The following SNUPN variants were observed in gnomAD, a reference collection of about 807,000 sequenced individuals.
The protein encoded by SNUPN is snurportin-1.
SNUPN carries 31 observed loss-of-function variants against 39.2 expected under a neutral mutation model. The observed-to-expected ratio is 0.79, with a 90% CI of 0.59 to 1.07. SNUPN has a LOEUF of 1.07. SNUPN is among the 50% of genes least tolerant of loss of function. SNUPN has a pLI of 0.00. For missense variants in SNUPN, 382 were observed against 434.2 expected (o/e 0.88, Z 1.07); for synonymous variants, 132 against 159.0 (o/e 0.83, Z 1.28).
chr15:75,624,714 C>G, intron 1 of SNUPN: 12 of 1,262,152 alleles, frequency 9.5e-6, no homozygotes, highest in Non-Finnish European at 1.2e-5. Flanking sequence ...GGTTCCTTTA[C>G]CTTCCTTCAA....
intron 3 of SNUPN, among the ~76,000 whole-genome samples, chr15:75,616,861 T>C (rs1892951642): frequency 6.6e-6 from 1 of 152,198 alleles, no homozygotes; most frequent in African/African-American, 2.4e-5. Flanking sequence ...GGCCTGAACC[T>C]CACCTTGGCC....
chr15:75,604,157 CTTTTT>C (rs34924144), intron 7 of SNUPN, among the ~76,000 whole-genome samples: 3 of 114,942 alleles, frequency 2.6e-5, no homozygotes, highest in East Asian at 2.5e-4. Flanking sequence ...TTCCCTTTAA[CTTTTT>C]TTTTTTTTTT....
At chr15:75,618,654 C>T (rs1175740777) in intron 2 of SNUPN, among the ~76,000 whole-genome samples, 3 of 152,166 alleles carry the variant, frequency 2.0e-5, no homozygotes, top group Admixed American at 2.0e-4. Flanking sequence ...GAAACCAACA[C>T]AGCTGGTTTC....
chr15:75,614,049 G>A (rs1458458865), intron 3 of SNUPN, among the ~76,000 whole-genome samples: 1 of 152,126 alleles, frequency 6.6e-6, no homozygotes, highest in Non-Finnish European at 1.5e-5. Context: ...CAGCACATTG[G>A]GAGGCCAAGG....
chr15:75,607,272 T>A lies in SNUPN; in HGVS notation c.544A>T (p.Thr182Ser), dbSNP rs781108517. The change falls in exon 6 of 9, where the codon ACC becomes TCC. Residue 182 changes from threonine (T) to serine (S), a missense_variant. By Grantham distance (58) the Thr-to-Ser change is moderately conservative (BLOSUM62 1). Coordinates refer to ENST00000308588, the MANE Select transcript of SNUPN (RefSeq NM_005701.4). ...CACATCACATCCAGAACGTAGTAGGTCTGGTTTACCTCATTGTAAATGCAA... is the reference window on the plus strand; with the variant it reads ...CACATCACATCCAGAACGTAGTAGGACTGGTTTACCTCATTGTAAATGCAA... ...LDCIYNEVNQ[T>S]YYVLDVMCWR... The A allele has an allele frequency of 5.6e-6, 9 of 1,613,666 alleles. No homozygotes were observed. Among genetic ancestry groups the A allele is most frequent in the Middle Eastern group, 1.6e-4 (1 of 6,078 alleles).
In SNUPN at chr15:75,621,793, T is replaced by C. The variant is rs553576795; in HGVS notation, c.-5-737A>G. On this transcript the variant is annotated intron_variant, in intron 1 of 8. Coordinates refer to ENST00000308588, the MANE Select transcript of SNUPN (RefSeq NM_005701.4). ...TGGCTCATGCCTGTAATCCCAGCAC[T>C]TTGGGAGGCCGAGGTGGGTGGATCA... 2.1e-4 allele frequency among the ~76,000 whole-genome samples: 32 copies of C among 152,126 alleles called. No individual in the cohort carries two copies. In the South Asian group the frequency reaches 6.4e-3, roughly 31 times the overall value.
intron 1 of SNUPN, among the ~76,000 whole-genome samples, chr15:75,624,235 T>G (rs1266904504): frequency 6.7e-6 from 1 of 148,852 alleles, no homozygotes; most frequent in African/African-American, 2.5e-5. Flanking sequence ...CCGATAAAAA[T>G]TTTTAAAAAG....
At chr15:75,603,505 C>A (rs1382069871) in intron 7 of SNUPN, among the ~76,000 whole-genome samples, 2 of 150,268 alleles carry the variant, frequency 1.3e-5, no homozygotes, top group Non-Finnish European at 3.0e-5. Context: ...ACTAAAAATA[C>A]AAAAAATTAG....
At chr15:75,606,156 AG>A (rs2075329658) in intron 6 of SNUPN, among the ~76,000 whole-genome samples, 1 of 152,246 alleles carries the variant, frequency 6.6e-6, no homozygotes, top group Non-Finnish European at 1.5e-5. Flanking sequence ...AAGAAAAAAA[AG>A]GATGATAATA....
intron 2 of SNUPN, among the ~76,000 whole-genome samples, chr15:75,618,082 A>C (rs1189733255): frequency 6.6e-6 from 1 of 152,140 alleles, no homozygotes; most frequent in Non-Finnish European, 1.5e-5. Flanking sequence ...CCTTCCTCAG[A>C]GTTTCCTAAG....
intron 1 of SNUPN, among the ~76,000 whole-genome samples, chr15:75,623,122 C>G (rs1004937661): frequency 6.6e-6 from 1 of 151,632 alleles, no homozygotes; most frequent in Admixed American, 6.6e-5. Flanking sequence ...ATAACTGAAC[C>G]TCTGTAACCT....
chr15:75,599,954 T>C (rs2075272376), intron 8 of SNUPN, among the ~76,000 whole-genome samples: 1 of 151,874 alleles, frequency 6.6e-6, no homozygotes, highest in South Asian at 2.1e-4. Context: ...CAAGAGATTC[T>C]CCTGCCTCAA....
intron 7 of SNUPN, among the ~76,000 whole-genome samples, chr15:75,603,805 C>T (rs938174825): frequency 7.2e-5 from 11 of 152,184 alleles, no homozygotes; most frequent in Middle Eastern, 6.8e-3. Flanking sequence ...TAGTGAAATC[C>T]TTTTCACACC....
intron 1 of SNUPN, among the ~76,000 whole-genome samples, chr15:75,624,121 G>A (rs1190089871): frequency 1.4e-5 from 2 of 147,790 alleles, no homozygotes; most frequent in African/African-American, 4.9e-5. Flanking sequence ...TAGAGACGGG[G>A]TTTCACCGTT....
chr15:75,613,536 G>A (rs1384022704), intron 3 of SNUPN, among the ~76,000 whole-genome samples: 1 of 151,216 alleles, frequency 6.6e-6, no homozygotes, highest in Non-Finnish European at 1.5e-5. Context: ...CCAGCTACTC[G>A]GGAGGCTAAG....
At chr15:75,610,400 CAAAA>C (rs540383128) in intron 3 of SNUPN, among the ~76,000 whole-genome samples, 2 of 61,074 alleles carry the variant, frequency 3.3e-5, no homozygotes, top group Non-Finnish European at 3.4e-5. Flanking sequence ...AACTCTGTCT[CAAAA>C]AAAAAAAAAA....
chr15:75,598,941 C>G (rs969820302), intron 8 of SNUPN, among the ~76,000 whole-genome samples: 2 of 152,032 alleles, frequency 1.3e-5, no homozygotes, highest in South Asian at 2.1e-4. Context: ...CTGAGGCAGG[C>G]AGATTGCTTG....
intron 1 of SNUPN, chr15:75,624,612 G>A (rs1196012831): frequency 1.0e-5 from 5 of 502,086 alleles, no homozygotes; most frequent in Non-Finnish European, 1.3e-5. Flanking sequence ...GGCGGAGCTT[G>A]CAGTGAGTCG....
At chr15:75,620,851 T>G (rs1893050078) in intron 2 of SNUPN, 43 bp downstream of exon 2, 1 of 1,583,310 alleles carries the variant, frequency 6.3e-7, no homozygotes, top group Admixed American at 1.7e-5. Flanking sequence ...GGTTCATAGC[T>G]CCTAGCCCAG....
Sources: gnomAD v4.1 joint callset for allele counts (sites outside exome capture counted in the v4.1 genomes callset) on GRCh38, gnomAD v4.1.1 for gene constraint, MANE v1.5 for transcripts, NCBI Gene and HGNC (gene_info 2026-07-23, HGNC 2026-07-21) for gene names.